Variants in AGPS observed in about 807,000 individuals in gnomAD.
AGPS encodes alkylglycerone phosphate synthase.
A neutral mutation model predicts 90.7 loss-of-function variants in AGPS; 26 were observed. The observed-to-expected ratio is 0.29, with a 90% CI of 0.21 to 0.40. AGPS has a LOEUF of 0.40. AGPS is among the 10% of genes least tolerant of loss of function. AGPS has a pLI of 1.00. For missense variants in AGPS, 540 were observed against 816.1 expected (o/e 0.66, Z 4.12); for synonymous variants, 294 against 285.3 (o/e 1.03, Z -0.31).
chr2:177,468,606 A>C (rs1189090026), intron 10 of AGPS, 82 bp downstream of exon 10: 1 of 980,194 alleles, frequency 1.0e-6, no homozygotes, highest in African/African-American at 1.6e-5. Flanking sequence ...GTGACATCAG[A>C]TCTTTGAAAG....
chr2:177,489,854 T>A (rs1688198319), intron 11 of AGPS, among the ~76,000 whole-genome samples: 1 of 152,224 alleles, frequency 6.6e-6, no homozygotes, highest in Non-Finnish European at 1.5e-5. Context: ...CATTAAAATT[T>A]GTAAAAATAT....
intron 1 of AGPS, chr2:177,393,432 A>G (rs1474219819): frequency 1.0e-6 from 1 of 985,260 alleles, no homozygotes; most frequent in Non-Finnish European, 1.2e-6. Flanking sequence ...GGAGATATAA[A>G]TTTGTACTAG....
intron 19 of AGPS, among the ~76,000 whole-genome samples, chr2:177,526,224 TG>T (rs1403916815): frequency 6.7e-6 from 1 of 148,618 alleles, no homozygotes; most frequent in African/African-American, 2.5e-5. Context: ...AATAGCTTCT[TG>T]TCTTTTTTTT....
At chr2:177,444,551 C>T (rs918681078) in intron 7 of AGPS, among the ~76,000 whole-genome samples, 6 of 151,762 alleles carry the variant, frequency 4.0e-5, no homozygotes, top group East Asian at 1.9e-4. Flanking sequence ...TTTTTCACAA[C>T]GCTGTGAATT....
At chr2:177,475,926 T>C (rs563719506) in intron 10 of AGPS, among the ~76,000 whole-genome samples, 8 of 152,222 alleles carry the variant, frequency 5.3e-5, no homozygotes, top group Admixed American at 1.3e-4. Context: ...TAAATGACGG[T>C]CCCATTTTCT....
rs1686427861 is a variant in AGPS, at chr2:177,436,894, T to A, written c.562+10T>A. On this transcript the variant is annotated intron_variant, in intron 4 of 19. Coordinates refer to ENST00000264167, the MANE Select transcript of AGPS (RefSeq NM_003659.4). Reference sequence around the variant, plus strand: ...GTATTTAGAGCTCATGGTAAGTTACTTTATATTAGCCCTATTTATTTTTAA... The same window carrying A: ...GTATTTAGAGCTCATGGTAAGTTACATTATATTAGCCCTATTTATTTTTAA... 1 of 1,612,324 alleles carries A rather than the reference T, an allele frequency of 6.2e-7. No homozygotes were observed. Among genetic ancestry groups the A allele is most frequent in the Non-Finnish European group, 8.5e-7 (1 of 1,178,798 alleles).
intron 17 of AGPS, among the ~76,000 whole-genome samples, chr2:177,517,079 T>C (rs963356439): frequency 2.0e-5 from 3 of 152,112 alleles, no homozygotes; most frequent in African/African-American, 7.2e-5. Context: ...TTGTATTGTG[T>C]AGTAAAAAGA....
intron 3 of AGPS, 24 bp from the exon 4 acceptor site, chr2:177,436,740 A>G: frequency 1.2e-6 from 2 of 1,608,068 alleles, no homozygotes; most frequent in Non-Finnish European, 1.7e-6. Flanking sequence ...AAAATAAGTC[A>G]AAGAAATCAA....
rs983091349 is a variant in AGPS, at chr2:177,407,514, G to A, written c.261-12755G>A. Among the ~76,000 whole-genome samples the A allele has an allele frequency of 2.0e-5, 3 of 152,192 alleles. No homozygotes were observed. In the East Asian group the frequency reaches 5.8e-4, roughly 30 times the overall value. ...TAGCAAAAGCAGGAGCAAGAGTTGAGGTTGGGTGTGGGAGGGGGAAGTGCC... is the reference window on the plus strand; with the variant it reads ...TAGCAAAAGCAGGAGCAAGAGTTGAAGTTGGGTGTGGGAGGGGGAAGTGCC... On this transcript the variant is annotated intron_variant, in intron 1 of 19. Transcript: ENST00000264167.
chr2:177,464,285 A>G (rs1687384004), intron 9 of AGPS, among the ~76,000 whole-genome samples: 1 of 152,156 alleles, frequency 6.6e-6, no homozygotes, highest in African/African-American at 2.4e-5. Flanking sequence ...TGCAATATAT[A>G]GTATCCTCTG....
chr2:177,531,633 A>T (rs1438680916), intron 19 of AGPS, among the ~76,000 whole-genome samples: 1 of 152,196 alleles, frequency 6.6e-6, no homozygotes, highest in Non-Finnish European at 1.5e-5. Flanking sequence ...GTTTAAATAG[A>T]TATAGAAAAT....
At chr2:177,515,799 A>G (rs569450885) in intron 17 of AGPS, among the ~76,000 whole-genome samples, 1 of 152,326 alleles carries the variant, frequency 6.6e-6, no homozygotes, top group South Asian at 2.1e-4. Context: ...TTCTGTGACC[A>G]TCTTATAAAA....
chr2:177,448,918 T>C (rs1176589067), intron 8 of AGPS, among the ~76,000 whole-genome samples: 1 of 152,206 alleles, frequency 6.6e-6, no homozygotes, highest in African/African-American at 2.4e-5. Context: ...CCTACAATTT[T>C]AATAAAGTGG....
At chr2:177,419,394 A>C (rs968317676) in intron 1 of AGPS, among the ~76,000 whole-genome samples, 16 of 151,916 alleles carry the variant, frequency 1.1e-4, no homozygotes, top group African/African-American at 3.9e-4. Flanking sequence ...TGTAGTAAGA[A>C]GACTCACCAC....
chr2:177,539,711 T>C lies in AGPS; in HGVS notation c.*1516T>C, dbSNP rs557355492. 11 of 151,954 alleles carry C rather than the reference T, an allele frequency of 7.2e-5. No individual in the cohort carries two copies. The highest frequency in any genetic ancestry group is 1.3e-4 in the Non-Finnish European group (9 of 67,898). 9.4% of individuals were successfully genotyped at this position (151,954 alleles called of 1,614,324 possible). ...TGATATTTTTAAGACTTCAAAATGA[T>C]AAATAATTTTTAACTATTAAAATTG... On this transcript the variant is annotated 3_prime_UTR_variant, in exon 20 of 20. Coordinates refer to ENST00000264167, the MANE Select transcript of AGPS (RefSeq NM_003659.4).
At chr2:177,456,511 T>C (rs756550212) in intron 8 of AGPS, among the ~76,000 whole-genome samples, 10 of 152,204 alleles carry the variant, frequency 6.6e-5, no homozygotes, top group Non-Finnish European at 1.2e-4. Context: ...CATTACACTT[T>C]CTTCACTTAT....
At chr2:177,400,300 A>AT (rs1400246742) in intron 1 of AGPS, among the ~76,000 whole-genome samples, 16 of 152,316 alleles carry the variant, frequency 1.1e-4, no homozygotes, top group African/African-American at 3.8e-4. Flanking sequence ...GCTTAAAATC[A>AT]TAAGTCCAAC....
intron 8 of AGPS, among the ~76,000 whole-genome samples, chr2:177,447,181 G>C (rs1686801073): frequency 6.6e-6 from 1 of 151,894 alleles, no homozygotes; most frequent in African/African-American, 2.4e-5. Flanking sequence ...TTTTGTTGTT[G>C]TTTTCTTTTC....
intron 2 of AGPS, among the ~76,000 whole-genome samples, chr2:177,430,257 T>A (rs961477047): frequency 2.0e-5 from 3 of 152,210 alleles, no homozygotes; most frequent in Non-Finnish European, 4.4e-5. Context: ...TGGCTGGAAT[T>A]CCAAGCCAGT....
Sources: gnomAD v4.1 joint callset for allele counts (sites outside exome capture counted in the v4.1 genomes callset) on GRCh38, gnomAD v4.1.1 for gene constraint, MANE v1.5 for transcripts, NCBI Gene and HGNC (gene_info 2026-07-23, HGNC 2026-07-21) for gene names.